ANKRD11: variants seen among roughly 807,000 people sequenced by gnomAD.
ANKRD11 encodes the protein ankyrin repeat domain 11.
ANKRD11 carries 17 observed loss-of-function variants against 195.7 expected under a neutral mutation model. That is an observed-to-expected ratio of 0.09 (90% CI 0.06 to 0.13). ANKRD11 has a LOEUF of 0.13. Ranked by LOEUF, ANKRD11 falls within the 10% of genes least tolerant of loss-of-function variation. The pLI is 1.00. For synonymous variants in ANKRD11, 1,953 were observed against 1,528.1 expected, an observed-to-expected ratio of 1.28 and a Z score of -6.49; for missense variants, 3,735 against 3,566.1, an observed-to-expected ratio of 1.05 and a Z score of -1.21.
At chr16:89,474,527 C>T (rs1229824622) in intron 1 of ANKRD11, among the ~76,000 whole-genome samples, 1 of 151,852 alleles carries the variant, frequency 6.6e-6, no homozygotes, top group African/African-American at 2.4e-5. Flanking sequence ...GAAAGAAAAG[C>T]TTTCATCCAT....
rs2034460413 is a variant in ANKRD11, at chr16:89,283,875, C to T, written c.2667G>A (p.Arg889=). Residue 889 remains arginine, a synonymous_variant, in exon 9 of 13, where the codon AGG becomes AGA. Transcript: ENST00000301030. This position sits in a 1 kb window ranked among gnomAD's most constrained non-coding sequence, Gnocchi z 4.3. ...ETVKEDSKER[R]RDSRAREKRD... ...GCTTCTCCCGGGCCCGGCTGTCCCG[C>T]CTCCTCTCCTTGCTGTCCTCCTTCA... 1 of 1,614,184 alleles carries T rather than the reference C, an allele frequency of 6.2e-7. No homozygotes were observed. Among genetic ancestry groups the T allele is most frequent in the Non-Finnish European group, 8.5e-7 (1 of 1,180,036 alleles).
intron 1 of ANKRD11, among the ~76,000 whole-genome samples, chr16:89,466,257 A>C (rs2056881565): frequency 6.6e-6 from 1 of 152,010 alleles, no homozygotes; most frequent in African/African-American, 2.4e-5. Context: ...TCTAAAACCC[A>C]AAAGACTTAA....
chr16:89,382,500 T>A (rs1179838942), intron 2 of ANKRD11, among the ~76,000 whole-genome samples: 2 of 151,668 alleles, frequency 1.3e-5, no homozygotes, highest in African/African-American at 2.4e-5. Context: ...TAATTTTTTG[T>A]ATTTTTAATA....
chr16:89,466,549 A>C (rs2056891572), intron 1 of ANKRD11, among the ~76,000 whole-genome samples: 1 of 152,200 alleles, frequency 6.6e-6, no homozygotes, highest in African/African-American at 2.4e-5. Flanking sequence ...TAAAATTCCT[A>C]ATGCCTGGCA....
intron 4 of ANKRD11, among the ~76,000 whole-genome samples, chr16:89,302,147 A>G (rs909791472): frequency 2.0e-5 from 3 of 152,254 alleles, no homozygotes; most frequent in Non-Finnish European, 4.4e-5. Context: ...ATTTCTGAGC[A>G]AGAACGGCTC....
intron 2 of ANKRD11, among the ~76,000 whole-genome samples, chr16:89,374,691 G>A (rs1334239862): frequency 6.6e-6 from 1 of 152,172 alleles, no homozygotes; most frequent in Non-Finnish European, 1.5e-5. Flanking sequence ...ATCGGGAAAA[G>A]CACTTCAACT....
Position 89,286,193 on chromosome 16 carries a change from G to T in ANKRD11, c.745-7C>A, listed in dbSNP as rs779925583. On this transcript the variant is annotated splice_region_variant and splice_polypyrimidine_tract_variant and intron_variant, in intron 7 of 12. Transcript: ENST00000301030. ...GCAGCAGCAGCTTCACCACCTACAA[G>T]ACAGTAACACCCGCGTCAGGGACTG... 1.2e-6 allele frequency: 2 copies of T among 1,612,956 alleles called. No individual in the cohort carries two copies. The highest frequency in any genetic ancestry group is 1.1e-5 in the South Asian group (1 of 91,082).
At chr16:89,449,986 T>A (rs1213296616) in intron 1 of ANKRD11, among the ~76,000 whole-genome samples, 1 of 152,174 alleles carries the variant, frequency 6.6e-6, no homozygotes, top group African/African-American at 2.4e-5. Flanking sequence ...AGGGGAGCCC[T>A]GCCTAAGCAC....
intron 2 of ANKRD11, among the ~76,000 whole-genome samples, chr16:89,362,386 G>A (rs752470168): frequency 3.9e-5 from 6 of 152,188 alleles, no homozygotes; most frequent in Non-Finnish European, 8.8e-5. Flanking sequence ...ACCTGAGCTG[G>A]AGAGAGTGCA....
intron 2 of ANKRD11, among the ~76,000 whole-genome samples, chr16:89,355,011 G>A (rs1441313546): frequency 6.6e-6 from 1 of 152,188 alleles, no homozygotes; most frequent in African/African-American, 2.4e-5. Flanking sequence ...TTCACATGCT[G>A]AAGACCCACC....
At chr16:89,426,310 G>A (rs560192410) in intron 1 of ANKRD11, among the ~76,000 whole-genome samples, 16 of 152,242 alleles carry the variant, frequency 1.1e-4, no homozygotes, top group African/African-American at 3.8e-4. Context: ...AAAGCCAACA[G>A]TGAAAACAGC....
At chr16:89,308,187 T>C (rs2036407173) in intron 3 of ANKRD11, among the ~76,000 whole-genome samples, 1 of 152,108 alleles carries the variant, frequency 6.6e-6, no homozygotes, top group Non-Finnish European at 1.5e-5. Context: ...AGACAGGATA[T>C]ATAAAAAAAG....
intron 3 of ANKRD11, chr16:89,313,632 G>A: frequency 1.6e-6 from 2 of 1,282,098 alleles, no homozygotes; most frequent in Non-Finnish European, 2.0e-6. Context: ...TATATCTGGA[G>A]AAAAGGGAGT....
At position 89,284,388 on chromosome 16, in the gene ANKRD11, C is replaced by G; in HGVS notation, c.2154G>C (p.Leu718=). The G allele has an allele frequency of 6.2e-7, 1 of 1,613,814 alleles. No individual in the cohort carries two copies. Among genetic ancestry groups the G allele is most frequent in the Non-Finnish European group, 8.5e-7 (1 of 1,180,002 alleles). ...KEWLFKDEKS[L]KRIKDTNKDI... is the part of the protein sequence containing the mutation. The stretch of plus-strand genomic sequence containing the variant: ...CTTTGTTTGTGTCTTTGATTCTCTT[C>G]AGTGATTTTTCATCTTTAAAGAGCC... The change falls in exon 9 of 13, where the codon CTG becomes CTC. Residue 718 remains leucine (L), a synonymous_variant. Coordinates refer to ENST00000301030, the MANE Select transcript of ANKRD11 (RefSeq NM_013275.6).
Position 89,285,886 on chromosome 16 carries a change from A to T in ANKRD11, c.892+153T>A, listed in dbSNP as rs1451643053. 6.6e-6 allele frequency among the ~76,000 whole-genome samples: 1 copy of T among 152,210 alleles called. No individual in the cohort carries two copies. The highest frequency in any genetic ancestry group is 1.5e-5 in the Non-Finnish European group (1 of 68,040). On this transcript the variant is annotated intron_variant, in intron 8 of 12. Coordinates refer to ENST00000301030, the MANE Select transcript of ANKRD11 (RefSeq NM_013275.6). This position sits in a 1 kb window ranked among gnomAD's most constrained non-coding sequence, Gnocchi z 5.6. ...ACTGCAGGCTTCTCGGCAGTGACAC[A>T]CCTGGGCGGGGTCTCCCGCAGTCCA...
intron 1 of ANKRD11, among the ~76,000 whole-genome samples, chr16:89,449,003 T>C (rs762869797): frequency 6.6e-6 from 1 of 152,198 alleles, no homozygotes; most frequent in African/African-American, 2.4e-5. Context: ...GCTTCTTTTA[T>C]TCTTTGCTAC....
At position 89,282,267 on chromosome 16, in the gene ANKRD11, G is replaced by A. The variant is rs147915620; in HGVS notation, c.4275C>T (p.Thr1425=). Residue 1425 remains threonine, a synonymous_variant, in exon 9 of 13, where the codon ACC becomes ACT. Coordinates refer to ENST00000301030, the MANE Select transcript of ANKRD11 (RefSeq NM_013275.6). ...CGGAATCATTTTTATCTTTCTTTTC[G>A]GTAGAAAACAATTCAATGGTTTTAT... ...ELDKTIELFS[T]EKKDKNDSER... 74 of 1,612,640 alleles carry A rather than the reference G, an allele frequency of 4.6e-5. No homozygotes were observed. The highest frequency in any genetic ancestry group is 1.6e-4 in the East Asian group (7 of 44,864).
intron 1 of ANKRD11, among the ~76,000 whole-genome samples, chr16:89,454,196 T>C (rs952002827): frequency 6.6e-6 from 1 of 152,148 alleles, no homozygotes; most frequent in Non-Finnish European, 1.5e-5. Context: ...CCTGAAGAGC[T>C]GCTCTCAGTC....
intron 2 of ANKRD11, among the ~76,000 whole-genome samples, chr16:89,383,261 C>G (rs371495861): frequency 6.6e-6 from 1 of 152,166 alleles, no homozygotes; most frequent in Non-Finnish European, 1.5e-5. Context: ...TCAAGATAAC[C>G]GGCTCTGCCA....
Sources: gnomAD v4.1 joint callset for allele counts (sites outside exome capture counted in the v4.1 genomes callset) on GRCh38, gnomAD v4.1.1 for gene constraint, Gnocchi (gnomAD v3.1) non-coding constraint, MANE v1.5 for transcripts, NCBI Gene and HGNC (gene_info 2026-07-23, HGNC 2026-07-21) for gene names.